Variants in MARCHF8 observed in about 807,000 individuals in gnomAD.
MARCHF8 encodes the protein E3 ubiquitin-protein ligase MARCHF8.
MARCHF8 carries 40 observed loss-of-function variants against 51.6 expected under a neutral mutation model. The observed-to-expected ratio is 0.77, with a 90% confidence interval of 0.60 to 1.01. MARCHF8 has a LOEUF of 1.01. Ranked by LOEUF, MARCHF8 falls within the 50% of genes least tolerant of loss-of-function variation. The pLI is 0.00. For synonymous variants in MARCHF8, 263 were observed against 280.3 expected, an observed-to-expected ratio of 0.94 and a Z score of 0.62; for missense variants, 685 against 708.6, an observed-to-expected ratio of 0.97 and a Z score of 0.38.
At chr10:45,568,562 T>C (rs761346044) in intron 1 of MARCHF8, among the ~76,000 whole-genome samples, 7 of 151,394 alleles carry the variant, frequency 4.6e-5, no homozygotes, top group African/African-American at 7.3e-5. Flanking sequence ...CTACTAAAAA[T>C]ACAAAAATTA....
At chr10:45,464,373 G>T (rs377365201) in intron 3 of MARCHF8, 46 bp from the exon 4 acceptor site, 1 of 1,524,188 alleles carries the variant, frequency 6.6e-7, no homozygotes, top group Non-Finnish European at 9.1e-7. Context: ...GAGCCAAGGG[G>T]ATTGTGTGCA....
Position 45,543,885 on chromosome 10 carries a change from A to G in MARCHF8, c.-78-10596T>C, listed in dbSNP as rs1426678705. 2.0e-5 allele frequency among the ~76,000 whole-genome samples: 3 copies of G among 151,874 alleles called. No individual in the cohort carries two copies. In the East Asian group the frequency reaches 5.8e-4, roughly 29 times the overall value. ...ACAACATAATTTTAAAATAAGCAAA[A>G]TACATTAACAGACATTTCATCAAAG... is the stretch of plus-strand genomic sequence containing the variant. On this transcript the variant is annotated intron_variant, in intron 1 of 6. Coordinates refer to the MARCHF8 transcript ENST00000319836.
intron 2 of MARCHF8, among the ~76,000 whole-genome samples, chr10:45,531,711 G>A (rs2043888948): frequency 6.6e-6 from 1 of 152,168 alleles, no homozygotes; most frequent in Non-Finnish European, 1.5e-5. Flanking sequence ...ATGGGCTTCA[G>A]CGAGGGTGTG....
At chr10:45,502,451 T>G (rs1016269457) in intron 2 of MARCHF8, among the ~76,000 whole-genome samples, 1 of 152,180 alleles carries the variant, frequency 6.6e-6, no homozygotes, top group African/African-American at 2.4e-5. Context: ...GACATAAACC[T>G]ATGCATTCAA....
chr10:45,489,675 A>C (rs1204823051), intron 2 of MARCHF8, among the ~76,000 whole-genome samples: 1 of 152,208 alleles, frequency 6.6e-6, no homozygotes, highest in Non-Finnish European at 1.5e-5. Flanking sequence ...AGGAAAAAAT[A>C]AGAGTTTAGA....
At chr10:45,481,295 T>C (rs538521377) in intron 3 of MARCHF8, among the ~76,000 whole-genome samples, 29 of 152,366 alleles carry the variant, frequency 1.9e-4, no homozygotes, top group Non-Finnish European at 3.4e-4. Context: ...GATGAGACTT[T>C]GGACTGTGGA....
chr10:45,559,761 G>C (rs1305020474), intron 1 of MARCHF8, among the ~76,000 whole-genome samples: 1 of 152,048 alleles, frequency 6.6e-6, no homozygotes, highest in African/African-American at 2.4e-5. Context: ...ACTCACAATA[G>C]TTTTCATACA....
intron 1 of MARCHF8, among the ~76,000 whole-genome samples, chr10:45,583,278 T>A (rs570995447): frequency 4.6e-5 from 7 of 152,094 alleles, no homozygotes; most frequent in Admixed American, 2.0e-4. Context: ...ACACCATTAG[T>A]GGGAGTACAG....
intron 2 of MARCHF8, among the ~76,000 whole-genome samples, chr10:45,491,785 C>T (rs543724949): frequency 2.6e-5 from 4 of 152,154 alleles, no homozygotes; most frequent in Non-Finnish European, 5.9e-5. Flanking sequence ...AACAAAGACA[C>T]CATAGGCCTT....
At chr10:45,471,461 AT>A (rs1397967964) in intron 3 of MARCHF8, among the ~76,000 whole-genome samples, 39 of 152,386 alleles carry the variant, frequency 2.6e-4, no homozygotes, top group African/African-American at 7.2e-4. Flanking sequence ...ATGTAACCAT[AT>A]AAAAATCCAA....
intron 1 of MARCHF8, among the ~76,000 whole-genome samples, chr10:45,588,826 G>A (rs990597707): frequency 2.6e-5 from 4 of 151,636 alleles, no homozygotes; most frequent in Admixed American, 2.0e-4. Context: ...GTGAAACCCC[G>A]TCTCTACTAA....
intron 3 of MARCHF8, among the ~76,000 whole-genome samples, chr10:45,467,088 C>T (rs1166725806): frequency 6.6e-6 from 1 of 152,104 alleles, no homozygotes; most frequent in Non-Finnish European, 1.5e-5. Flanking sequence ...GAGATTCTGC[C>T]CTGCTCAGTT....
At chr10:45,536,129 G>A (rs573872093), upstream of MARCHF8, among the ~76,000 whole-genome samples, 1 of 152,184 alleles carries the variant, frequency 6.6e-6, no homozygotes, top group East Asian at 1.9e-4. Flanking sequence ...CAAAGTTGGA[G>A]AGCTCACATT....
In MARCHF8 at chr10:45,463,916, C is replaced by G; in HGVS notation, c.323G>C (p.Ser108Thr). Reference sequence around the variant, plus strand: ...CACAGTGAGCCCTTGTGTCAGAGAACTCTGGCAGTGAGGAGCTTTCGAGAC... The same window carrying G: ...CACAGTGAGCCCTTGTGTCAGAGAAGTCTGGCAGTGAGGAGCTTTCGAGAC... ...AVVSKAPHCQSSLTQGLTVTV... is the reference protein window; with the variant it reads ...AVVSKAPHCQTSLTQGLTVTV... The change falls in exon 5 of 8, where the codon AGT becomes ACT. Residue 108 changes from serine to threonine, a missense_variant. Ser to Thr is a moderately conservative substitution (Grantham distance 58). Coordinates refer to ENST00000453424, the MANE Select transcript of MARCHF8 (RefSeq NM_001282866.2). 6.5e-7 allele frequency: 1 copy of G among 1,536,402 alleles called. No homozygotes were observed. The highest frequency in any genetic ancestry group is 8.7e-7 in the Non-Finnish European group (1 of 1,146,924).
At chr10:45,491,316 T>C (rs1024238260) in intron 2 of MARCHF8, among the ~76,000 whole-genome samples, 12 of 152,198 alleles carry the variant, frequency 7.9e-5, no homozygotes, top group Admixed American at 5.2e-4. Flanking sequence ...GGCGGGCAGA[T>C]TGCCTGAGGT....
chr10:45,492,199 C>G (rs2043093101), intron 2 of MARCHF8, among the ~76,000 whole-genome samples: 1 of 152,196 alleles, frequency 6.6e-6, no homozygotes, highest in African/African-American at 2.4e-5. Context: ...TGCTTCTCCA[C>G]TACTTGGTAG....
At chr10:45,467,403 C>T (rs949467387) in intron 3 of MARCHF8, among the ~76,000 whole-genome samples, 4 of 152,180 alleles carry the variant, frequency 2.6e-5, no homozygotes, top group African/African-American at 9.7e-5. Flanking sequence ...GAAGAGGCTC[C>T]TTCTGTCACG....
intron 1 of MARCHF8, among the ~76,000 whole-genome samples, chr10:45,550,444 C>T (rs2044182101): frequency 6.6e-6 from 1 of 152,168 alleles, no homozygotes; most frequent in Admixed American, 6.5e-5. Context: ...ATTTGAAGTG[C>T]TTCCTGCAGA....
In MARCHF8 at chr10:45,457,847, T is replaced by G. The variant is rs1023364695; in HGVS notation, c.*392A>C. ...CTCGTCATGGCTAGACACTCCCCAA[T>G]GCTCTGCTCCAGGCTGGGGACCACT... On this transcript the variant is annotated 3_prime_UTR_variant, in exon 8 of 8. Coordinates refer to ENST00000453424, the MANE Select transcript of MARCHF8 (RefSeq NM_001282866.2). 1.0e-5 allele frequency: 2 copies of G among 195,386 alleles called. No individual in the cohort carries two copies. Among genetic ancestry groups the G allele is most frequent in the East Asian group, 2.8e-4 (2 of 7,256 alleles). 12.1% of individuals were successfully genotyped at this position (195,386 alleles called of 1,614,324 possible). A position where few individuals can be genotyped will look rare whatever the true frequency, so the allele number is the denominator to read the frequency against.
Sources: gnomAD v4.1 joint callset for allele counts (sites outside exome capture counted in the v4.1 genomes callset) on GRCh38, gnomAD v4.1.1 for gene constraint, MANE v1.5 for transcripts, NCBI Gene and HGNC (gene_info 2026-07-23, HGNC 2026-07-21) for gene names.